THEMIS: variants seen among roughly 807,000 people sequenced by gnomAD.
The protein encoded by THEMIS is protein THEMIS.
In THEMIS, 37 loss-of-function variants were observed where a neutral mutation model predicts 52.6. The ratio of observed to expected loss-of-function variants is 0.70; its 90% CI spans 0.54 to 0.93. THEMIS has a LOEUF of 0.93. Among genes scored for constraint, THEMIS ranks in the 40% least tolerant of loss-of-function variants. THEMIS has a pLI of 0.00. For synonymous variants in THEMIS, 292 were observed against 272.7 expected (o/e 1.07, Z -0.70); for missense variants, 808 against 763.1 (o/e 1.06, Z -0.69).
chr6:127,758,562 CA>C (rs1278145187), intron 4 of THEMIS, among the ~76,000 whole-genome samples: 1 of 150,964 alleles, frequency 6.6e-6, no homozygotes, highest in Non-Finnish European at 1.5e-5. Context: ...GCAGAAATGT[CA>C]AATTCCCTAT....
At chr6:127,838,464 C>T (rs1054985038) in intron 2 of THEMIS, among the ~76,000 whole-genome samples, 10 of 151,968 alleles carry the variant, frequency 6.6e-5, no homozygotes, top group Non-Finnish European at 1.5e-4. Context: ...GACATTTAGT[C>T]TTTTAAAAAT....
At chr6:127,778,190 A>T (rs773076520) in intron 4 of THEMIS, among the ~76,000 whole-genome samples, 1 of 152,152 alleles carries the variant, frequency 6.6e-6, no homozygotes, top group Non-Finnish European at 1.5e-5. Context: ...GCTCAGAAGT[A>T]GCAAATCAGT....
At chr6:127,841,833 T>G (rs1260107622) in intron 2 of THEMIS, among the ~76,000 whole-genome samples, 1 of 152,082 alleles carries the variant, frequency 6.6e-6, no homozygotes, top group Non-Finnish European at 1.5e-5. Context: ...TACCCCTTTT[T>G]GTCAAAGAAA....
At chr6:127,710,068 G>A in intron 5 of THEMIS, 52 bp from the exon 6 acceptor site, 1 of 1,300,248 alleles carries the variant, frequency 7.7e-7, no homozygotes, top group Non-Finnish European at 1.1e-6. Context: ...AAAATAACCA[G>A]AAAGGAAACT....
At chr6:127,867,000 A>G (rs572317963) in intron 1 of THEMIS, among the ~76,000 whole-genome samples, 40 of 149,440 alleles carry the variant, frequency 2.7e-4, no homozygotes, top group Non-Finnish European at 4.9e-4. Flanking sequence ...GATAGAACTC[A>G]GTAGCCAAGA....
At chr6:127,867,199 T>C (rs543032540) in intron 1 of THEMIS, among the ~76,000 whole-genome samples, 1 of 152,054 alleles carries the variant, frequency 6.6e-6, no homozygotes, top group Non-Finnish European at 1.5e-5. Context: ...TTCTCTATAA[T>C]ATCAACTGAT....
At chr6:127,796,821 G>A (rs1777344867) in intron 4 of THEMIS, among the ~76,000 whole-genome samples, 1 of 152,130 alleles carries the variant, frequency 6.6e-6, no homozygotes, top group Non-Finnish European at 1.5e-5. Flanking sequence ...TGAGTAAGCT[G>A]AACTTTATAG....
At chr6:127,894,050 A>G (rs1293338011) in intron 1 of THEMIS, among the ~76,000 whole-genome samples, 8 of 152,128 alleles carry the variant, frequency 5.3e-5, no homozygotes. Flanking sequence ...CTGAACCTCA[A>G]AAAAATTTTG....
chr6:127,886,915 C>A (rs2114453772), intron 1 of THEMIS, among the ~76,000 whole-genome samples: 1 of 152,028 alleles, frequency 6.6e-6, no homozygotes. Flanking sequence ...TAGTGAGGGT[C>A]ATCTTGGGGA....
chr6:127,813,056 T>C lies in THEMIS; in HGVS notation c.1585A>G (p.Arg529Gly), dbSNP rs755543363. 3.1e-6 allele frequency: 5 copies of C among 1,614,152 alleles called. No individual in the cohort carries two copies. The highest frequency in any genetic ancestry group is 3.4e-6 in the Non-Finnish European group (4 of 1,180,024). The change falls in exon 4 of 6, where the codon AGG becomes GGG. Residue 529 changes from arginine (R) to glycine (G), a missense_variant. Physicochemically the swap from Arg to Gly is moderately radical, Grantham distance 125 (BLOSUM62 -2). Transcript: ENST00000368248. Reference sequence around the variant, plus strand: ...TCAGTGATCTCTTCTACCAGAGTCCTGACTAGAAATGGTTCTGCATCCCTA... The same window carrying C: ...TCAGTGATCTCTTCTACCAGAGTCCCGACTAGAAATGGTTCTGCATCCCTA... ...FSRDAEPFLV[R>G]TLVEEITEEQ...
chr6:127,803,186 T>C (rs1777592516), intron 4 of THEMIS, among the ~76,000 whole-genome samples: 1 of 152,208 alleles, frequency 6.6e-6, no homozygotes, highest in South Asian at 2.1e-4. Context: ...ATCTATGCTA[T>C]AATTAGAATA....
intron 4 of THEMIS, among the ~76,000 whole-genome samples, chr6:127,720,510 C>T (rs928658584): frequency 6.6e-6 from 1 of 151,896 alleles, no homozygotes; most frequent in African/African-American, 2.4e-5. Flanking sequence ...ACTTCCAGTA[C>T]TTAATTAATT....
intron 1 of THEMIS, among the ~76,000 whole-genome samples, chr6:127,876,560 C>T (rs1287836457): frequency 6.6e-6 from 1 of 152,132 alleles, no homozygotes. Flanking sequence ...CAACCAGATT[C>T]TCCATGGTGA....
At chr6:127,875,452 G>A (rs1381675731) in intron 1 of THEMIS, among the ~76,000 whole-genome samples, 2 of 152,182 alleles carry the variant, frequency 1.3e-5, no homozygotes, top group Non-Finnish European at 2.9e-5. Flanking sequence ...GGAGAAAGGC[G>A]AGTAGGTTTG....
intron 4 of THEMIS, among the ~76,000 whole-genome samples, chr6:127,753,356 A>G (rs957192025): frequency 1.3e-5 from 2 of 152,070 alleles, no homozygotes; most frequent in South Asian, 2.1e-4. Context: ...TCATTTCTAT[A>G]CACTAGCAAT....
chr6:127,800,878 A>G (rs535934562), intron 4 of THEMIS, among the ~76,000 whole-genome samples: 114 of 152,308 alleles, frequency 7.5e-4, no homozygotes, highest in Non-Finnish European at 1.3e-3. Context: ...TGTGGGACCT[A>G]TATTCCATTA....
intron 4 of THEMIS, among the ~76,000 whole-genome samples, chr6:127,786,579 T>C (rs965199263): frequency 6.6e-6 from 1 of 152,188 alleles, no homozygotes; most frequent in Non-Finnish European, 1.5e-5. Flanking sequence ...TGAGCTTTCT[T>C]AAGCCTCACA....
intron 2 of THEMIS, among the ~76,000 whole-genome samples, chr6:127,842,651 A>G (rs1375805578): frequency 1.3e-5 from 2 of 152,024 alleles, no homozygotes; most frequent in Non-Finnish European, 2.9e-5. Flanking sequence ...TGATAAGAGA[A>G]TGTCTCCCTC....
At chr6:127,734,913 A>ATATATATGTG (rs1398876841) in intron 4 of THEMIS, among the ~76,000 whole-genome samples, 4 of 106,454 alleles carry the variant, frequency 3.8e-5, no homozygotes, top group African/African-American at 1.6e-4. Flanking sequence ...ATATATATAT[A>ATATATATGTG]TGTGTGTGTG....
Sources: gnomAD v4.1 joint callset for allele counts (sites outside exome capture counted in the v4.1 genomes callset) on GRCh38, gnomAD v4.1.1 for gene constraint, MANE v1.5 for transcripts, NCBI Gene and HGNC (gene_info 2026-07-23, HGNC 2026-07-21) for gene names.